The following CHODL variants were observed in gnomAD, a reference collection of about 807,000 sequenced individuals.
CHODL encodes the protein chondrolectin.
Under a neutral mutation model 34.5 loss-of-function variants are expected in CHODL, and 29 were observed. The observed-to-expected ratio is 0.84, with a 90% CI of 0.63 to 1.15. The LOEUF (loss-of-function observed/expected upper bound fraction) is 1.15, where lower values mean the gene tolerates loss of function less well. Among genes scored for constraint, CHODL ranks in the 50% most tolerant of loss-of-function variants. The probability of loss-of-function intolerance (pLI) is 0.00; values close to 1 mark genes in which losing one functional copy is unlikely to be tolerated. For missense variants in CHODL, 332 were observed against 332.5 expected (o/e 1.00, Z 0.01); for synonymous variants, 125 against 116.1 (o/e 1.08, Z -0.49).
intron 2 of CHODL, among the ~76,000 whole-genome samples, chr21:18,070,027 C>T (rs542881396): frequency 1.5e-5 from 1 of 68,636 alleles, no homozygotes; most frequent in African/African-American, 5.2e-5. Context: ...CCCTTCCCTC[C>T]CCCCCCCCAC....
At chr21:18,035,344 T>C (rs1345249073) in intron 2 of CHODL, among the ~76,000 whole-genome samples, 1 of 152,002 alleles carries the variant, frequency 6.6e-6, no homozygotes, top group African/African-American at 2.4e-5. Context: ...CATTCTTACC[T>C]TTGTTTCCCT....
intron 2 of CHODL, among the ~76,000 whole-genome samples, chr21:18,173,021 T>G (rs1429606181): frequency 6.6e-6 from 1 of 152,158 alleles, no homozygotes; most frequent in Non-Finnish European, 1.5e-5. Flanking sequence ...TAGAGGCCAC[T>G]CCACGCTATA....
intron 4 of CHODL, among the ~76,000 whole-genome samples, chr21:18,262,277 T>C (rs547098371): frequency 1.1e-3 from 171 of 152,242 alleles, no homozygotes; most frequent in Middle Eastern, 6.8e-3. Flanking sequence ...CACTTAACAA[T>C]GGGGACATGT....
At chr21:17,946,388 C>T (rs968193483) in intron 1 of CHODL, among the ~76,000 whole-genome samples, 1 of 152,144 alleles carries the variant, frequency 6.6e-6, no homozygotes, top group Non-Finnish European at 1.5e-5. Flanking sequence ...CCACTGCACT[C>T]CAGCCTGGGC....
intron 2 of CHODL, among the ~76,000 whole-genome samples, chr21:18,179,630 A>C (rs750514828): frequency 2.3e-4 from 35 of 152,148 alleles, no homozygotes; most frequent in Non-Finnish European, 8.8e-5. Context: ...GTATGTAGGG[A>C]CCAATTATGT....
chr21:17,921,714 A>G (rs1450960282), intron 1 of CHODL, among the ~76,000 whole-genome samples: 1 of 152,238 alleles, frequency 6.6e-6, no homozygotes, highest in African/African-American at 2.4e-5. Flanking sequence ...TGACTGATGA[A>G]TCATTCTGGC....
intron 2 of CHODL, among the ~76,000 whole-genome samples, chr21:18,045,003 T>TA (rs2064424850): frequency 1.3e-5 from 2 of 151,866 alleles, no homozygotes; most frequent in Admixed American, 1.3e-4. Flanking sequence ...AACAAGTACA[T>TA]AAAAAGGGCA....
At chr21:17,917,663 T>G (rs1600960533) in intron 1 of CHODL, among the ~76,000 whole-genome samples, 1 of 152,152 alleles carries the variant, frequency 6.6e-6, no homozygotes, top group African/African-American at 2.4e-5. Context: ...GCCATCTGAT[T>G]ACCTGGCAGT....
intron 2 of CHODL, among the ~76,000 whole-genome samples, chr21:18,193,371 C>A (rs1601129726): frequency 1.3e-5 from 2 of 152,116 alleles, no homozygotes; most frequent in Non-Finnish European, 1.5e-5. Context: ...TTACTCAAAG[C>A]ATTTCGTAGA....
chr21:17,976,168 G>T (rs197575), intron 1 of CHODL, among the ~76,000 whole-genome samples: 30,469 of 150,396 alleles, frequency 0.2, 3,733 homozygotes, highest in Middle Eastern at 0.34. Context: ...TTACTTGGGG[G>T]GCTAAGGCAG....
intron 1 of CHODL, among the ~76,000 whole-genome samples, chr21:17,999,773 A>G (rs2063887679): frequency 6.6e-6 from 1 of 152,172 alleles, no homozygotes; most frequent in African/African-American, 2.4e-5. Flanking sequence ...AGGAGATACA[A>G]TTCAAGCTGA....
At position 18,266,147 on chromosome 21, in the gene CHODL, A is replaced by T. The variant is rs756923830; in HGVS notation, c.*109A>T. 1.3e-5 allele frequency: 20 copies of T among 1,597,726 alleles called. No homozygotes were observed. Among genetic ancestry groups the T allele is most frequent in the Non-Finnish European group, 1.6e-5 (19 of 1,170,276 alleles). On this transcript the variant is annotated 3_prime_UTR_variant, in exon 6 of 6. Coordinates refer to ENST00000299295, the MANE Select transcript of CHODL (RefSeq NM_024944.3). ...AAATCACAAAGGATCTGCAAGATGA[A>T]CTGTAAGCTCCCCCTTGAGGCAAAT... is the stretch of plus-strand genomic sequence containing the variant.
rs186571657 is a variant in CHODL, at chr21:17,969,418, A to G, written c.-145+52018A>G. Among the ~76,000 whole-genome samples the G allele has an allele frequency of 4.9e-4, 74 of 152,374 alleles. 2 individuals are homozygous for G. The East Asian group carries it at 0.013, about 27-fold the overall frequency. On this transcript the variant is annotated intron_variant, in intron 1 of 6. Coordinates refer to the CHODL transcript ENST00000400127. ...ATGCTAACATTGTATTATGAATGCC[A>G]TTTTAAATAACAGGTATCCATATAA...
At chr21:18,176,892 T>C (rs1036591058) in intron 2 of CHODL, among the ~76,000 whole-genome samples, 1 of 151,872 alleles carries the variant, frequency 6.6e-6, no homozygotes, top group Non-Finnish European at 1.5e-5. Flanking sequence ...ATGTGACCCA[T>C]GAGACAGGCA....
At chr21:18,150,607 A>G (rs1174980246) in intron 2 of CHODL, among the ~76,000 whole-genome samples, 1 of 152,146 alleles carries the variant, frequency 6.6e-6, no homozygotes, top group Non-Finnish European at 1.5e-5. Context: ...TGTCCCTTGT[A>G]TAAGGGCACT....
intron 2 of CHODL, among the ~76,000 whole-genome samples, chr21:18,030,363 T>C (rs527966368): frequency 6.6e-6 from 1 of 152,286 alleles, no homozygotes; most frequent in Non-Finnish European, 1.5e-5. Flanking sequence ...GTGAGTGAGC[T>C]TGGAAACAGA....
chr21:18,083,775 C>T (rs1226770628), intron 2 of CHODL, among the ~76,000 whole-genome samples: 4 of 152,192 alleles, frequency 2.6e-5, no homozygotes, highest in African/African-American at 9.7e-5. Flanking sequence ...AAGCATTTAT[C>T]CAATGCCTGT....
chr21:18,038,621 T>C (rs1464838140), intron 2 of CHODL, among the ~76,000 whole-genome samples: 1 of 151,748 alleles, frequency 6.6e-6, no homozygotes, highest in Non-Finnish European at 1.5e-5. Context: ...TCTTCCCATA[T>C]TTGATGACCA....
chr21:18,092,926 A>G (rs2065091377), intron 2 of CHODL, among the ~76,000 whole-genome samples: 1 of 152,220 alleles, frequency 6.6e-6, no homozygotes, highest in Non-Finnish European at 1.5e-5. Flanking sequence ...ATTTATTCAA[A>G]GGGATAATAA....
Sources: allele counts gnomAD v4.1 joint callset (sites outside exome capture counted in the v4.1 genomes callset), GRCh38; gene constraint gnomAD v4.1.1; transcripts MANE v1.5; gene names NCBI Gene and HGNC (gene_info 2026-07-23, HGNC 2026-07-21).